BICD2: variants seen among roughly 807,000 people sequenced by gnomAD.
BICD2 encodes BICD cargo adaptor 2.
BICD2 carries 25 observed loss-of-function variants against 72.9 expected under a neutral mutation model. The observed-to-expected ratio is 0.34, with a 90% CI of 0.25 to 0.48. BICD2 has a LOEUF of 0.48. Ranked by LOEUF, BICD2 falls within the 20% of genes least tolerant of loss-of-function variation. The pLI, the probability that BICD2 is intolerant of heterozygous loss-of-function variation, is 0.99. For missense variants in BICD2, 894 were observed against 1,175.2 expected (o/e 0.76, Z 3.50); for synonymous variants, 501 against 516.1 (o/e 0.97, Z 0.40).
In BICD2 at chr9:92,764,419, C is replaced by A; in HGVS notation, c.240+86G>T. 1 of 1,368,306 alleles carries A rather than the reference C, an allele frequency of 7.3e-7. No homozygotes were observed. The highest frequency in any genetic ancestry group is 9.4e-7 in the Non-Finnish European group (1 of 1,064,162). 84.8% of individuals were successfully genotyped at this position (1,368,306 alleles called of 1,614,324 possible). A position where few individuals can be genotyped will look rare whatever the true frequency, so the allele number is the denominator to read the frequency against. Reference sequence around the variant, plus strand: ...CCCCTGCCGGCCCCCGCTTGGCAAGCTGACCTTGGCCGCCCTGGTGCCAGG... The same window carrying A: ...CCCCTGCCGGCCCCCGCTTGGCAAGATGACCTTGGCCGCCCTGGTGCCAGG... On this transcript the variant is annotated intron_variant, in intron 1 of 6. Coordinates refer to ENST00000356884, the MANE Select transcript of BICD2 (RefSeq NM_001003800.2). This position sits in a 1 kb window ranked among gnomAD's most constrained non-coding sequence, Gnocchi z 5.5.
At chr9:92,755,402 A>G (rs1045045083) in intron 1 of BICD2, among the ~76,000 whole-genome samples, 4 of 152,118 alleles carry the variant, frequency 2.6e-5, no homozygotes, top group Admixed American at 2.0e-4. Flanking sequence ...ATTACCTTGT[A>G]AAGTACTTGA....
intron 1 of BICD2, among the ~76,000 whole-genome samples, chr9:92,749,865 G>A (rs1010010481): frequency 1.3e-5 from 2 of 152,218 alleles, no homozygotes; most frequent in African/African-American, 4.8e-5. Context: ...AGGGCAAGAG[G>A]GGACAGCTTG....
intron 2 of BICD2, among the ~76,000 whole-genome samples, chr9:92,724,005 C>T (rs976136835): frequency 2.0e-5 from 3 of 152,170 alleles, no homozygotes; most frequent in Non-Finnish European, 4.4e-5. Flanking sequence ...TCTCTCCAGA[C>T]GTTGCCAATG....
At chr9:92,719,688 G>T (rs1853418750) in intron 4 of BICD2, 106 bp from the exon 5 acceptor site, 1 of 1,250,264 alleles carries the variant, frequency 8.0e-7, no homozygotes, top group Non-Finnish European at 1.1e-6. Flanking sequence ...GTCAGGGCAG[G>T]CTGTCAGCCC....
In BICD2 at chr9:92,726,349, G is replaced by C. The variant is rs145331304; in HGVS notation, c.453+2675C>G. 4.2e-3 allele frequency among the ~76,000 whole-genome samples: 641 copies of C among 152,036 alleles called. 5 individuals are homozygous for C. The highest frequency in any genetic ancestry group is 0.015 in the African/African-American group (603 of 41,472). On this transcript the variant is annotated intron_variant, in intron 2 of 6. Transcript: ENST00000356884. ...CAGACAACCAGTTGACCCAAGGGAG[G>C]AAAAAAGGGGAGGGGCTGTTGTGGG...
Position 92,713,294 on chromosome 9 carries a change from A to C in BICD2, c.*1860T>G. ...AAAGCTTTTTTTCCTCCCATTAAAA[A>C]CCTGGGGAATGCTATTTTGAAAAGA... is the stretch of plus-strand genomic sequence containing the variant. On this transcript the variant is annotated 3_prime_UTR_variant, in exon 7 of 7. Coordinates refer to ENST00000356884, the MANE Select transcript of BICD2 (RefSeq NM_001003800.2). 2 of 783,022 alleles carry C rather than the reference A, an allele frequency of 2.6e-6. No individual in the cohort carries two copies. The highest frequency in any genetic ancestry group is 4.1e-6 in the Non-Finnish European group (2 of 485,114). The allele number at this position is 783,022 out of a possible 1,614,324, so 48.5% of individuals were successfully genotyped here. A position where few individuals can be genotyped will look rare whatever the true frequency, so the allele number is the denominator to read the frequency against.
chr9:92,726,434 T>G (rs754738045), intron 2 of BICD2, among the ~76,000 whole-genome samples: 1 of 152,126 alleles, frequency 6.6e-6, no homozygotes, highest in Non-Finnish European at 1.5e-5. Context: ...ATGTACCCTT[T>G]CTGACCCATG....
chr9:92,758,638 G>T (rs551593890), intron 1 of BICD2, among the ~76,000 whole-genome samples: 1 of 151,024 alleles, frequency 6.6e-6, no homozygotes, highest in East Asian at 2.0e-4. Flanking sequence ...ATCACCTGAG[G>T]TCAGGAGTTC....
In BICD2 at chr9:92,720,492, G is replaced by A. The variant is rs760894899; in HGVS notation, c.870C>T (p.Ala290=). 6 of 1,614,094 alleles carry A rather than the reference G, an allele frequency of 3.7e-6. No individual in the cohort carries two copies. In the African/African-American group the frequency reaches 4.0e-5, roughly 11 times the overall value. The change falls in exon 4 of 7, where the codon GCC becomes GCT. Residue 290 remains alanine, a synonymous_variant. Coordinates refer to ENST00000356884, the MANE Select transcript of BICD2 (RefSeq NM_001003800.2). The surrounding 1 kb of genome is among the most constrained non-coding windows in gnomAD (Gnocchi z 5.4). The part of the protein sequence containing the change: ...LDGLKFSDDA[A]EPNNDAEALV... ...GGGCCTCGGCATCGTTGTTGGGCTCGGCAGCATCGTCACTGAACTTGAGGC... is the reference window on the plus strand; with the variant it reads ...GGGCCTCGGCATCGTTGTTGGGCTCAGCAGCATCGTCACTGAACTTGAGGC...
intron 1 of BICD2, among the ~76,000 whole-genome samples, chr9:92,734,923 A>C (rs1244154707): frequency 6.6e-6 from 1 of 152,224 alleles, no homozygotes; most frequent in Non-Finnish European, 1.5e-5. Flanking sequence ...AAAGGGACAC[A>C]CAGGTGGAAG....
At chr9:92,740,346 A>T (rs1587682776) in intron 1 of BICD2, among the ~76,000 whole-genome samples, 1 of 152,334 alleles carries the variant, frequency 6.6e-6, no homozygotes, top group South Asian at 2.1e-4. Context: ...AAACTGTTCT[A>T]AAAAATATAT....
intron 1 of BICD2, among the ~76,000 whole-genome samples, chr9:92,761,689 T>C (rs942731220): frequency 2.6e-5 from 4 of 152,166 alleles, no homozygotes; most frequent in Non-Finnish European, 5.9e-5. Context: ...CAGAACAAAG[T>C]GTCTCACGGC....
Position 92,725,151 on chromosome 9 carries a change from T to G in BICD2, c.454-2343A>C, listed in dbSNP as rs1023628753. ...AGCCTGGCCAGATGCCTCATACCAT[T>G]AGGGTCCCCCAGAGGCACACACGAG... is the stretch of plus-strand genomic sequence containing the variant. On this transcript the variant is annotated intron_variant, in intron 2 of 6. Coordinates refer to ENST00000356884, the MANE Select transcript of BICD2 (RefSeq NM_001003800.2). Among the ~76,000 whole-genome samples the G allele has an allele frequency of 1.7e-4, 26 of 152,296 alleles. No homozygotes were observed. The South Asian group carries it at 4.6e-3, about 27-fold the overall frequency.
chr9:92,734,708 C>T (rs372545780), intron 1 of BICD2, among the ~76,000 whole-genome samples: 3 of 152,230 alleles, frequency 2.0e-5, no homozygotes, highest in African/African-American at 7.2e-5. Flanking sequence ...TAAGGGGTCG[C>T]CAGCCGTGGG....
At position 92,715,223 on chromosome 9, in the gene BICD2, G is replaced by T. The variant is rs781592149; in HGVS notation, c.2499C>A (p.Asp833Glu). Reference sequence around the variant, plus strand: ...TGGCCAGCCCGGTGCCCTCGGCCCTGTCGCTGGCACAGGCACAGGTGTGAC... The same window carrying T: ...TGGCCAGCCCGGTGCCCTCGGCCCTTTCGCTGGCACAGGCACAGGTGTGAC... ...SVSHTCACAS[D>E]RAEGTGLANQ... Residue 833 changes from aspartate to glutamate, a missense_variant, in exon 7 of 7, where the codon GAC becomes GAA. Physicochemically the swap from Asp to Glu is conservative, Grantham distance 45. Around this residue, in one of 5 missense-constraint regions of BICD2, gnomAD observed 321 missense variants for 443.9 expected, o/e 0.72. Coordinates refer to ENST00000356884, the MANE Select transcript of BICD2 (RefSeq NM_001003800.2). 6.2e-7 allele frequency: 1 copy of T among 1,613,138 alleles called. No homozygotes were observed. The highest frequency in any genetic ancestry group is 1.1e-5 in the South Asian group (1 of 91,038).
chr9:92,761,803 G>T (rs1193163722), intron 1 of BICD2, among the ~76,000 whole-genome samples: 3 of 152,270 alleles, frequency 2.0e-5, no homozygotes, highest in Admixed American at 2.0e-4. Flanking sequence ...AACGGGGACA[G>T]ATATGGTCTT....
In BICD2 at chr9:92,713,363, T is replaced by C. The variant is rs1176277892; in HGVS notation, c.*1791A>G. 1.2e-5 allele frequency: 16 copies of C among 1,390,616 alleles called. No individual in the cohort carries two copies. Among genetic ancestry groups the C allele is most frequent in the East Asian group, 2.5e-5 (1 of 39,944 alleles). The allele number at this position is 1,390,616 out of a possible 1,614,324, so 86.1% of individuals were successfully genotyped here. ...AAAAGTTTCTAAGTGGGCTTTTAGG[T>C]TGCCCTTCCTTCCTCCTTGTGGGCC... is the stretch of plus-strand genomic sequence containing the variant. On this transcript the variant is annotated 3_prime_UTR_variant, in exon 7 of 7. Transcript: ENST00000356884.
chr9:92,727,196 CGCTGCTGACCCCGAGGGCA>C (rs1189013443), intron 2 of BICD2, among the ~76,000 whole-genome samples: 1 of 152,154 alleles, frequency 6.6e-6, no homozygotes, highest in Non-Finnish European at 1.5e-5. Flanking sequence ...CCCCTCACTC[CGCTGCTGACCCCGAGGGCA>C]GCATCCTTCA....
chr9:92,713,160 G>T lies in BICD2; in HGVS notation c.*1994C>A. The T allele has an allele frequency of 2.2e-6, 1 of 446,640 alleles. No individual in the cohort carries two copies. Among genetic ancestry groups the T allele is most frequent in the East Asian group, 3.6e-5 (1 of 27,982 alleles). 27.7% of individuals were successfully genotyped at this position (446,640 alleles called of 1,614,324 possible). A position where few individuals can be genotyped will look rare whatever the true frequency, so the allele number is the denominator to read the frequency against. On this transcript the variant is annotated 3_prime_UTR_variant, in exon 7 of 7. Transcript: ENST00000356884. Reference sequence around the variant, plus strand: ...AGAACATGTGTAACAAGGAGCCCCCGTGGTGGGCGTTTCCAGTGGGCTCCT... The same window carrying T: ...AGAACATGTGTAACAAGGAGCCCCCTTGGTGGGCGTTTCCAGTGGGCTCCT...
Sources: allele counts gnomAD v4.1 joint callset (sites outside exome capture counted in the v4.1 genomes callset), GRCh38; gene constraint gnomAD v4.1.1; regional missense constraint gnomAD v4.1.1; non-coding constraint Gnocchi (gnomAD v3.1); transcripts MANE v1.5; gene names NCBI Gene and HGNC (gene_info 2026-07-23, HGNC 2026-07-21).